Variants in GPC3 observed in about 807,000 individuals in gnomAD.
GPC3 encodes glypican 3.
In GPC3, 3 loss-of-function variants were observed where a neutral mutation model predicts 34.4. The observed-to-expected ratio is 0.09, with a 90% CI of 0.04 to 0.23. GPC3 has a LOEUF of 0.23. GPC3 is among the 10% of genes least tolerant of loss of function. GPC3 has a pLI of 1.00. For synonymous variants in GPC3, 177 were observed against 174.0 expected (o/e 1.02, Z -0.13); for missense variants, 351 against 445.6 (o/e 0.79, Z 1.91).
At chrX:133,932,130 T>G (rs781375748) in intron 2 of GPC3, among the ~76,000 whole-genome samples, 84 of 112,432 alleles carry the variant, frequency 7.5e-4, no homozygotes, top group Non-Finnish European at 1.1e-3. Context: ...GTGGATAAAC[T>G]TGCTATTTCT....
chrX:133,569,200 C>T (rs1037739126), intron 7 of GPC3, among the ~76,000 whole-genome samples: 4 of 111,072 alleles, frequency 3.6e-5, no homozygotes, highest in African/African-American at 1.3e-4. Context: ...AAAAGGCAGA[C>T]GAAGATGAAC....
chrX:133,565,209 G>C (rs2069572567), intron 7 of GPC3, among the ~76,000 whole-genome samples: 1 of 111,720 alleles, frequency 9.0e-6, no homozygotes, highest in African/African-American at 3.3e-5. Context: ...TAATACCCCA[G>C]CATAGTAGAG....
chrX:133,859,257 CT>C (rs1332499020), intron 2 of GPC3, among the ~76,000 whole-genome samples: 1 of 110,920 alleles, frequency 9.0e-6, no homozygotes, highest in Non-Finnish European at 1.9e-5. Flanking sequence ...CCCTCATCCT[CT>C]ATTCAAGGCT....
intron 4 of GPC3, among the ~76,000 whole-genome samples, chrX:133,695,656 C>A (rs1375698362): frequency 9.0e-6 from 1 of 111,715 alleles, no homozygotes; most frequent in Non-Finnish European, 1.9e-5. Flanking sequence ...AGTGCCGCAC[C>A]AGCTGTAAAC....
At chrX:133,553,238 C>T (rs1184622023) in intron 7 of GPC3, among the ~76,000 whole-genome samples, 2 of 110,765 alleles carry the variant, frequency 1.8e-5, no homozygotes, top group East Asian at 2.9e-4. Context: ...TTGGCCAAGT[C>T]GAATTAAGAA....
chrX:133,974,111 C>T (rs1321194321), intron 1 of GPC3, among the ~76,000 whole-genome samples: 1 of 111,904 alleles, frequency 8.9e-6, no homozygotes, highest in African/African-American at 3.3e-5. Context: ...AGTGCAGTGC[C>T]GTGATCTCAG....
intron 2 of GPC3, among the ~76,000 whole-genome samples, chrX:133,863,317 C>T (rs928586288): frequency 1.8e-5 from 2 of 112,014 alleles, no homozygotes; most frequent in Non-Finnish European, 3.8e-5. Context: ...TTTTGAAGAA[C>T]GATGCCATCT....
At chrX:133,931,923 G>A (rs2076300499) in intron 2 of GPC3, among the ~76,000 whole-genome samples, 2 of 111,442 alleles carry the variant, frequency 1.8e-5, no homozygotes, top group African/African-American at 6.5e-5. Flanking sequence ...GTTGGAGGAG[G>A]CTCCCCTCCA....
chrX:133,663,234 T>C (rs1603216336), intron 5 of GPC3, among the ~76,000 whole-genome samples: 1 of 112,047 alleles, frequency 8.9e-6, no homozygotes, highest in East Asian at 2.9e-4. Flanking sequence ...GCCCAGGAGT[T>C]TGAGAACAGC....
intron 3 of GPC3, among the ~76,000 whole-genome samples, chrX:133,723,706 C>A (rs999049585): frequency 5.4e-5 from 6 of 111,682 alleles, no homozygotes; most frequent in Non-Finnish European, 1.1e-4. Flanking sequence ...TATGTGAAAT[C>A]TCCTGCTCTC....
chrX:133,892,466 C>T (rs2076092225), intron 2 of GPC3, among the ~76,000 whole-genome samples: 1 of 111,435 alleles, frequency 9.0e-6, no homozygotes, highest in Non-Finnish European at 1.9e-5. Flanking sequence ...AAGTCAAATA[C>T]CTTCCTGAGA....
At chrX:133,557,264 A>C (rs1157191220) in intron 7 of GPC3, among the ~76,000 whole-genome samples, 2 of 111,623 alleles carry the variant, frequency 1.8e-5, no homozygotes, top group African/African-American at 6.5e-5. Context: ...ACTGCACTCC[A>C]GCCTGGGTGA....
chrX:133,848,530 T>C (rs2075856892), intron 2 of GPC3, among the ~76,000 whole-genome samples: 1 of 112,217 alleles, frequency 8.9e-6, no homozygotes, highest in Non-Finnish European at 1.9e-5. Flanking sequence ...AGAATATCAA[T>C]GCTGGTCACA....
At chrX:133,933,858 T>C (rs917928842) in intron 2 of GPC3, among the ~76,000 whole-genome samples, 12 of 105,621 alleles carry the variant, frequency 1.1e-4, no homozygotes, top group Non-Finnish European at 3.9e-5. Context: ...CCTCTTTTCT[T>C]TTTTTTTTTG....
rs188765059 is a variant in GPC3, at chrX:133,651,398, T to C, written c.1413+10332A>G. Reference sequence around the variant, plus strand: ...GAGAGTTGCCAAATTATCACAATATTTGGGGGATATTGTTTTGGGTCAGTG... The same window carrying C: ...GAGAGTTGCCAAATTATCACAATATCTGGGGGATATTGTTTTGGGTCAGTG... On this transcript the variant is annotated intron_variant, in intron 6 of 7. Coordinates refer to ENST00000370818, the MANE Select transcript of GPC3 (RefSeq NM_004484.4). Among the ~76,000 whole-genome samples, 8 of 110,811 alleles carry C rather than the reference T, an allele frequency of 7.2e-5. 1 individual carries two copies. Among genetic ancestry groups the C allele is most frequent in the African/African-American group, 2.6e-4 (8 of 30,518 alleles).
At chrX:133,746,623 A>G (rs1339592278) in intron 3 of GPC3, among the ~76,000 whole-genome samples, 1 of 112,514 alleles carries the variant, frequency 8.9e-6, no homozygotes, top group Non-Finnish European at 1.9e-5. Flanking sequence ...TGAATGAAAA[A>G]ATGATGGCAA....
chrX:133,880,846 C>G (rs769337072), intron 2 of GPC3, among the ~76,000 whole-genome samples: 2 of 111,508 alleles, frequency 1.8e-5, no homozygotes, highest in Non-Finnish European at 1.9e-5. Flanking sequence ...AACTACAAAG[C>G]CTATTCTAAG....
intron 7 of GPC3, among the ~76,000 whole-genome samples, chrX:133,548,528 C>G (rs1360589370): frequency 1.8e-5 from 2 of 112,151 alleles, no homozygotes; most frequent in African/African-American, 6.5e-5. Context: ...CAAAATGGCT[C>G]AAGGCCCTGA....
chrX:133,809,488 C>A (rs1032204693), intron 2 of GPC3, among the ~76,000 whole-genome samples: 1 of 111,155 alleles, frequency 9.0e-6, no homozygotes, highest in African/African-American at 3.3e-5. Context: ...CCTAGTTGAT[C>A]CTTGTTGCAG....
Sources: allele counts gnomAD v4.1 joint callset (sites outside exome capture counted in the v4.1 genomes callset), GRCh38; gene constraint gnomAD v4.1.1; transcripts MANE v1.5; gene names NCBI Gene and HGNC (gene_info 2026-07-23, HGNC 2026-07-21).